DACH2: variants seen among roughly 807,000 people sequenced by gnomAD.
DACH2 encodes the protein dachshund family transcription factor 2, also known as dachshund homolog 2.
A neutral mutation model predicts 35.8 loss-of-function variants in DACH2; 17 were observed. The observed-to-expected ratio is 0.48, with a 90% CI of 0.33 to 0.71. The LOEUF is 0.71. Among genes scored for constraint, DACH2 ranks in the 30% least tolerant of loss-of-function variants. DACH2 has a pLI of 0.02. For synonymous variants in DACH2, 195 were observed against 177.3 expected, an observed-to-expected ratio of 1.10 and a Z score of -0.79; for missense variants, 469 against 472.7, an observed-to-expected ratio of 0.99 and a Z score of 0.07.
intron 2 of DACH2, among the ~76,000 whole-genome samples, chrX:86,438,336 G>T (rs779846653): frequency 9.6e-6 from 1 of 103,652 alleles, no homozygotes; most frequent in Non-Finnish European, 1.9e-5. Context: ...TGATTCTGTT[G>T]CCTCTGCCTC....
chrX:86,166,610 A>C (rs969301920), intron 1 of DACH2, among the ~76,000 whole-genome samples: 77 of 111,452 alleles, frequency 6.9e-4, no homozygotes, highest in African/African-American at 2.3e-3. Context: ...GTTGAATAAC[A>C]GTGATGACAG....
At chrX:86,159,406 A>T (rs975523219) in intron 1 of DACH2, among the ~76,000 whole-genome samples, 1 of 111,894 alleles carries the variant, frequency 8.9e-6, no homozygotes, top group Admixed American at 9.6e-5. Context: ...CTTTGAAAAT[A>T]TCCTGTAATC....
At chrX:86,809,602 T>C (rs2042376435) in intron 7 of DACH2, among the ~76,000 whole-genome samples, 1 of 112,056 alleles carries the variant, frequency 8.9e-6, no homozygotes, top group African/African-American at 3.2e-5. Flanking sequence ...ATTATGGACC[T>C]TAACATGCAA....
intron 7 of DACH2, among the ~76,000 whole-genome samples, chrX:86,776,114 T>A (rs1037288509): frequency 3.6e-5 from 4 of 111,638 alleles, no homozygotes; most frequent in African/African-American, 6.5e-5. Flanking sequence ...AATCACATAC[T>A]ACTTTCATAA....
intron 4 of DACH2, 134 bp from the exon 5 acceptor site, chrX:86,694,886 TA>T: frequency 4.2e-6 from 2 of 475,937 alleles, no homozygotes; most frequent in Middle Eastern, 7.3e-4. Flanking sequence ...GAAACTGTCA[TA>T]AAAATGAGTT....
chrX:86,714,119 A>T (rs1289344901), intron 5 of DACH2, among the ~76,000 whole-genome samples: 1 of 111,910 alleles, frequency 8.9e-6, no homozygotes, highest in Non-Finnish European at 1.9e-5. Context: ...ATCCTGCCTT[A>T]TCAGCACCTC....
intron 1 of DACH2, among the ~76,000 whole-genome samples, chrX:86,217,315 G>A (rs1402530970): frequency 9.0e-6 from 1 of 111,403 alleles, no homozygotes; most frequent in Non-Finnish European, 1.9e-5. Context: ...AAAATAGGTT[G>A]ACTTGCAAAT....
chrX:86,394,184 A>T (rs2036246242), intron 2 of DACH2, among the ~76,000 whole-genome samples: 1 of 109,705 alleles, frequency 9.1e-6, no homozygotes, highest in Non-Finnish European at 1.9e-5. Flanking sequence ...TGTTTACGTT[A>T]TGATCCCTGT....
At chrX:86,754,240 G>A (rs2041804696) in intron 7 of DACH2, among the ~76,000 whole-genome samples, 1 of 110,665 alleles carries the variant, frequency 9.0e-6, no homozygotes, top group South Asian at 3.7e-4. Flanking sequence ...ACTAAAGAAA[G>A]AAGTACTGAA....
intron 2 of DACH2, among the ~76,000 whole-genome samples, chrX:86,431,994 G>A (rs1450291691): frequency 8.9e-6 from 1 of 111,794 alleles, no homozygotes; most frequent in African/African-American, 3.2e-5. Flanking sequence ...AAATGTATTT[G>A]TTGTTTCTGG....
chrX:86,625,135 T>A (rs772686125), intron 3 of DACH2, among the ~76,000 whole-genome samples: 44 of 110,077 alleles, frequency 4.0e-4, no homozygotes, highest in African/African-American at 1.3e-3. Flanking sequence ...TGTGACAGAA[T>A]TCAGGAAACC....
Position 86,538,679 on chromosome X carries a change from T to A in DACH2, c.640+24288T>A, listed in dbSNP as rs1055877021. Reference sequence around the variant, plus strand: ...GAGCAAACTTTTAGCCTCAAGTTCTTTTTATAATCAGTATTTTTCAATTCA... The same window carrying A: ...GAGCAAACTTTTAGCCTCAAGTTCTATTTATAATCAGTATTTTTCAATTCA... On this transcript the variant is annotated intron_variant, in intron 3 of 11. Transcript: ENST00000373125. Among the ~76,000 whole-genome samples, 35 of 110,977 alleles carry A rather than the reference T, an allele frequency of 3.2e-4. 1 individual carries two copies. Among genetic ancestry groups the A allele is most frequent in the Admixed American group, 9.7e-5 (1 of 10,349 alleles).
chrX:86,442,451 C>G (rs2037184625), intron 2 of DACH2, among the ~76,000 whole-genome samples: 1 of 103,894 alleles, frequency 9.6e-6, no homozygotes, highest in Non-Finnish European at 2.0e-5. Flanking sequence ...GATATTAACC[C>G]CTTGTCAGAT....
intron 1 of DACH2, among the ~76,000 whole-genome samples, chrX:86,294,832 G>C (rs1172758323): frequency 9.2e-6 from 1 of 108,819 alleles, no homozygotes; most frequent in Non-Finnish European, 1.9e-5. Context: ...AAAGCTGTCA[G>C]ACAGGGACAT....
chrX:86,461,184 G>A (rs1183260332), intron 2 of DACH2, among the ~76,000 whole-genome samples: 1 of 111,336 alleles, frequency 9.0e-6, no homozygotes. Flanking sequence ...TAATGTGTGA[G>A]GAATAATTTG....
At chrX:86,395,869 G>A (rs1185198447) in intron 2 of DACH2, among the ~76,000 whole-genome samples, 1 of 111,647 alleles carries the variant, frequency 9.0e-6, no homozygotes, top group East Asian at 2.8e-4. Flanking sequence ...TGTCTTTATA[G>A]CAGCATGATT....
intron 7 of DACH2, among the ~76,000 whole-genome samples, chrX:86,753,177 T>C: frequency 9.0e-6 from 1 of 110,938 alleles, no homozygotes; most frequent in East Asian, 2.8e-4. Flanking sequence ...GTCTGTTATA[T>C]GTGTTATTAC....
intron 6 of DACH2, among the ~76,000 whole-genome samples, chrX:86,728,955 G>C (rs1031628214): frequency 8.9e-6 from 1 of 112,683 alleles, no homozygotes; most frequent in Non-Finnish European, 1.9e-5. Flanking sequence ...AACGGGGTTG[G>C]AGCCCTTACA....
At chrX:86,266,364 T>C (rs1261156949) in intron 1 of DACH2, among the ~76,000 whole-genome samples, 1 of 111,807 alleles carries the variant, frequency 8.9e-6, no homozygotes, top group Non-Finnish European at 1.9e-5. Context: ...CATACAACCG[T>C]AGTCAACAAA....
Sources: gnomAD v4.1 joint callset for allele counts (sites outside exome capture counted in the v4.1 genomes callset) on GRCh38, gnomAD v4.1.1 for gene constraint, MANE v1.5 for transcripts, NCBI Gene and HGNC (gene_info 2026-07-23, HGNC 2026-07-21) for gene names.